Variants in CLDN18 observed in about 807,000 individuals in gnomAD.
CLDN18 encodes claudin 18.
Under a neutral mutation model 25.0 loss-of-function variants are expected in CLDN18, and 20 were observed. That is an observed-to-expected ratio of 0.80 (90% CI 0.56 to 1.16). The LOEUF (loss-of-function observed/expected upper bound fraction) is 1.16. Among genes scored for constraint, CLDN18 ranks in the 50% most tolerant of loss-of-function variants. The pLI is 0.00. For synonymous variants in CLDN18, 125 were observed against 135.6 expected (o/e 0.92, Z 0.54); for missense variants, 297 against 345.4 (o/e 0.86, Z 1.11).
chr3:138,026,799 G>A (rs980402282), intron 3 of CLDN18, among the ~76,000 whole-genome samples: 5 of 152,320 alleles, frequency 3.3e-5, no homozygotes, highest in African/African-American at 7.2e-5. Flanking sequence ...AGCCAAGCAC[G>A]GGCGTGATTT....
chr3:138,000,938 CCA>C (rs1236769073), intron 1 of CLDN18, among the ~76,000 whole-genome samples: 3 of 152,238 alleles, frequency 2.0e-5, no homozygotes, highest in Non-Finnish European at 4.4e-5. Flanking sequence ...TGACCTCATG[CCA>C]CACACAGCAC....
At chr3:138,025,826 C>T (rs1224742188) in intron 3 of CLDN18, among the ~76,000 whole-genome samples, 1 of 152,156 alleles carries the variant, frequency 6.6e-6, no homozygotes, top group African/African-American at 2.4e-5. Flanking sequence ...CTTAGAAAAG[C>T]CCACCTTTCC....
In CLDN18 at chr3:138,010,175, C is replaced by A. The variant is rs760849544; in HGVS notation, c.-51C>A. On this transcript the variant is annotated 5_prime_UTR_variant, in exon 1 of 5. Transcript: ENST00000183605. ...GAGCGCGTTAGCTTCACACCTTCGG[C>A]AGCAGGAGGGCGGCAGCTTCTCGCA... 6 of 1,589,958 alleles carry A rather than the reference C, an allele frequency of 3.8e-6. No individual in the cohort carries two copies. In the East Asian group the frequency reaches 1.1e-4, roughly 30 times the overall value.
chr3:138,007,821 A>C (rs1356348559), upstream of CLDN18, among the ~76,000 whole-genome samples: 1 of 152,170 alleles, frequency 6.6e-6, no homozygotes, highest in Non-Finnish European at 1.5e-5. Context: ...TAATTGGTCA[A>C]TCTATGCCCA....
chr3:138,017,010 C>A (rs1320096487), intron 1 of CLDN18, among the ~76,000 whole-genome samples: 1 of 151,586 alleles, frequency 6.6e-6, no homozygotes, highest in South Asian at 2.1e-4. Context: ...GAGCTGAGAT[C>A]GCGCCACTGC....
Position 138,031,044 on chromosome 3 carries a change from G to A in CLDN18, c.689G>A (p.Gly230Asp). 6.2e-7 allele frequency: 1 copy of A among 1,614,168 alleles called. No individual in the cohort carries two copies. The highest frequency in any genetic ancestry group is 8.5e-7 in the Non-Finnish European group (1 of 1,180,014). Residue 230 changes from glycine to aspartate, a missense_variant, in exon 5 of 5, where the codon GGC (glycine) becomes GAC (aspartate). Physicochemically the swap from Gly to Asp is moderately conservative, Grantham distance 94 (BLOSUM62 -1). Transcript: ENST00000183605. Reference protein sequence around the residue: ...YKPGGFKASTGFGSNTKNKKI... With the variant: ...YKPGGFKASTDFGSNTKNKKI... ...CCTGGAGGCTTCAAGGCCAGCACTG[G>A]CTTTGGGTCCAACACCAAAAACAAG...
At chr3:138,012,320 A>G (rs962516310) in intron 1 of CLDN18, among the ~76,000 whole-genome samples, 9 of 151,932 alleles carry the variant, frequency 5.9e-5, no homozygotes, top group Admixed American at 2.6e-4. Context: ...TCAGTCACCA[A>G]CTCCTAGTTC....
chr3:138,025,458 G>A (rs1942316478), intron 3 of CLDN18, among the ~76,000 whole-genome samples: 1 of 152,196 alleles, frequency 6.6e-6, no homozygotes, highest in Non-Finnish European at 1.5e-5. Flanking sequence ...TTCTTGAGAA[G>A]AAATATAAAT....
chr3:138,017,945 C>G (rs1233800897), intron 1 of CLDN18, among the ~76,000 whole-genome samples: 1 of 152,104 alleles, frequency 6.6e-6, no homozygotes, highest in Non-Finnish European at 1.5e-5. Context: ...AAGCTAGGAA[C>G]CAGAATGCCT....
At chr3:138,005,987 G>C (rs1451967601), upstream of CLDN18, among the ~76,000 whole-genome samples, 1 of 152,104 alleles carries the variant, frequency 6.6e-6, no homozygotes, top group Non-Finnish European at 1.5e-5. Flanking sequence ...GTTTACAAGA[G>C]CTTTGGTGAA....
chr3:138,012,481 G>C (rs1318208445), intron 1 of CLDN18, among the ~76,000 whole-genome samples: 1 of 151,940 alleles, frequency 6.6e-6, no homozygotes. Flanking sequence ...CCCCCATCCT[G>C]TTTCTTCTGT....
chr3:137,999,758 C>T (rs1941996174), intron 1 of CLDN18, among the ~76,000 whole-genome samples: 1 of 152,142 alleles, frequency 6.6e-6, no homozygotes, highest in East Asian at 1.9e-4. Flanking sequence ...TTGCAGGCTG[C>T]CGTGCCCCCT....
At chr3:138,018,335 CTTTTT>C (rs1219927158) in intron 1 of CLDN18, among the ~76,000 whole-genome samples, 4 of 129,720 alleles carry the variant, frequency 3.1e-5, no homozygotes, top group Non-Finnish European at 4.9e-5. Context: ...CCCTCAAGGC[CTTTTT>C]TTTTTTTTTT....
At chr3:138,012,279 T>C (rs1942143845) in intron 1 of CLDN18, among the ~76,000 whole-genome samples, 1 of 152,214 alleles carries the variant, frequency 6.6e-6, no homozygotes, top group South Asian at 2.1e-4. Flanking sequence ...GTTTGCTTTT[T>C]TGACCATAGC....
At chr3:138,029,971 ACTTGCAGC>A in intron 4 of CLDN18, 64 bp downstream of exon 4, 3 of 1,030,862 alleles carry the variant, frequency 2.9e-6, no homozygotes, top group Admixed American at 4.2e-5. Flanking sequence ...TTAATGTATA[ACTTGCAGC>A]CAAAAAAAAA....
chr3:138,020,851 AT>A (rs1282159009), intron 1 of CLDN18, among the ~76,000 whole-genome samples: 1 of 152,190 alleles, frequency 6.6e-6, no homozygotes, highest in African/African-American at 2.4e-5. Context: ...GAGTATACAG[AT>A]CCTTGTACCT....
Position 138,028,137 on chromosome 3 carries a change from T to C in CLDN18, c.504-1660T>C, listed in dbSNP as rs553049549. On this transcript the variant is annotated intron_variant, in intron 3 of 4. Coordinates refer to ENST00000183605, the MANE Select transcript of CLDN18 (RefSeq NM_016369.4). ...TGGAGTGCAATGGCGCAATCTCGGC[T>C]CACTGCAACCTCCGCCTCCTGGGTT... Among the ~76,000 whole-genome samples the C allele has an allele frequency of 4.6e-5, 7 of 152,138 alleles. No individual in the cohort carries two copies. The South Asian group carries it at 1.0e-3, about 23-fold the overall frequency.
upstream of CLDN18, among the ~76,000 whole-genome samples, chr3:138,009,058 C>T (rs1311058401): frequency 6.6e-6 from 1 of 152,226 alleles, no homozygotes; most frequent in Non-Finnish European, 1.5e-5. Context: ...AGTCTCTCTA[C>T]TGTGATTATA....
intron 3 of CLDN18, among the ~76,000 whole-genome samples, chr3:138,025,409 C>T (rs563466311): frequency 2.6e-5 from 4 of 152,270 alleles, no homozygotes; most frequent in South Asian, 4.2e-4. Context: ...GATCTCATAG[C>T]AAGAAGCTGG....
Sources: gnomAD v4.1 joint callset for allele counts (sites outside exome capture counted in the v4.1 genomes callset) on GRCh38, gnomAD v4.1.1 for gene constraint, MANE v1.5 for transcripts, NCBI Gene and HGNC (gene_info 2026-07-23, HGNC 2026-07-21) for gene names.